The following LPP variants were observed in gnomAD, a reference collection of about 807,000 sequenced individuals.
LPP encodes the protein lipoma-preferred partner.
LPP carries 38 observed loss-of-function variants against 60.4 expected under a neutral mutation model. The observed-to-expected ratio is 0.63, with a 90% CI of 0.49 to 0.83. The LOEUF is 0.83. LPP is among the 40% of genes least tolerant of loss of function. The pLI is 0.00. For missense variants in LPP, 902 were observed against 783.6 expected, an observed-to-expected ratio of 1.15 and a Z score of -1.80; for synonymous variants, 328 against 290.8, an observed-to-expected ratio of 1.13 and a Z score of -1.30.
chr3:188,767,665 A>G (rs1734581049), intron 9 of LPP, among the ~76,000 whole-genome samples: 1 of 152,190 alleles, frequency 6.6e-6, no homozygotes, highest in Non-Finnish European at 1.5e-5. Context: ...AATTACATGT[A>G]GCCATATAGT....
chr3:188,608,787 C>G (rs1294291824), intron 6 of LPP, among the ~76,000 whole-genome samples: 3 of 152,158 alleles, frequency 2.0e-5, no homozygotes, highest in Non-Finnish European at 4.4e-5. Context: ...AATATCAAGT[C>G]TTTCAACCTA....
At chr3:188,422,738 G>A (rs147324095) in intron 4 of LPP, among the ~76,000 whole-genome samples, 1 of 152,236 alleles carries the variant, frequency 6.6e-6, no homozygotes, top group East Asian at 1.9e-4. Flanking sequence ...CCTTTTCTCT[G>A]TCTTCATTCA....
At chr3:188,427,451 T>G (rs1789698309) in intron 4 of LPP, among the ~76,000 whole-genome samples, 1 of 152,236 alleles carries the variant, frequency 6.6e-6, no homozygotes, top group Admixed American at 6.5e-5. Flanking sequence ...CTTAACATTT[T>G]TTCCTTCATT....
At position 188,625,187 on chromosome 3, in the gene LPP, G is replaced by T. The variant is rs1415919180; in HGVS notation, c.1113+15343G>T. Among the ~76,000 whole-genome samples the T allele has an allele frequency of 2.0e-5, 3 of 152,046 alleles. No individual in the cohort carries two copies. The East Asian group carries it at 5.8e-4, about 29-fold the overall frequency. ...TACCCCAAAATATTTGTTCAATGAT[G>T]GGAAATTCATTGATATTTAGACCTT... On this transcript the variant is annotated intron_variant, in intron 7 of 11. Transcript: ENST00000617246.
intron 7 of LPP, chr3:188,688,764 A>G (rs1416217244): frequency 2.0e-6 from 1 of 509,750 alleles, no homozygotes; most frequent in Non-Finnish European, 4.1e-6. Flanking sequence ...CTGAAGATAC[A>G]AGAAAAAATT....
chr3:188,872,973 A>C (rs1194861484), intron 11 of LPP, among the ~76,000 whole-genome samples: 3 of 152,212 alleles, frequency 2.0e-5, no homozygotes, highest in African/African-American at 7.2e-5. Flanking sequence ...GCTCACCGGA[A>C]GAAAGGACTC....
Position 188,441,098 on chromosome 3 carries a change from AT to A in LPP, c.193+34786del, listed in dbSNP as rs1325771108. On this transcript the variant is annotated intron_variant, in intron 4 of 11. Coordinates refer to ENST00000617246, the MANE Select transcript of LPP (RefSeq NM_001375462.1). ...ATTGATTTCTTTTTGTTTATAAAAA[AT>A]ATTCACTTTTCAAAATGTATTTATA... Among the ~76,000 whole-genome samples the A allele has an allele frequency of 2.6e-5, 4 of 152,208 alleles. No individual in the cohort carries two copies. The East Asian group carries it at 5.8e-4, about 22-fold the overall frequency.
intron 3 of LPP, among the ~76,000 whole-genome samples, chr3:188,357,674 T>C (rs960542526): frequency 1.3e-5 from 2 of 152,194 alleles, no homozygotes; most frequent in Non-Finnish European, 2.9e-5. Flanking sequence ...GCAAGCATCC[T>C]AAACAAATGT....
At chr3:188,631,350 G>A (rs1238135277) in intron 7 of LPP, among the ~76,000 whole-genome samples, 1 of 152,000 alleles carries the variant, frequency 6.6e-6, no homozygotes, top group South Asian at 2.1e-4. Flanking sequence ...TCAAATTTGG[G>A]GACACTCCTA....
chr3:188,659,459 A>G (rs1055553890), intron 7 of LPP, among the ~76,000 whole-genome samples: 1 of 152,232 alleles, frequency 6.6e-6, no homozygotes, highest in Admixed American at 6.5e-5. Context: ...GTAGTTAACT[A>G]GCTGCTAACA....
chr3:188,608,339 C>G (rs903649373), intron 6 of LPP, among the ~76,000 whole-genome samples: 3 of 152,052 alleles, frequency 2.0e-5, no homozygotes, highest in Non-Finnish European at 4.4e-5. Flanking sequence ...AATCATTAAC[C>G]CAGTTTTAGT....
intron 7 of LPP, among the ~76,000 whole-genome samples, chr3:188,699,277 C>A (rs1241583870): frequency 6.6e-6 from 1 of 152,246 alleles, no homozygotes; most frequent in South Asian, 2.1e-4. Flanking sequence ...TGTGGAGAGA[C>A]CTCACTTTCC....
Position 188,213,961 on chromosome 3 carries a change from AACACACACAC to A in LPP, c.-189-11413_-189-11404del, listed in dbSNP as rs59389556. On this transcript the variant is annotated intron_variant, in intron 1 of 11. Transcript: ENST00000617246. Reference sequence around the variant, plus strand: ...GAGTCCTGATTCTGATTAGATTTTAAACACACACACACACACACACACACACACACACACA... The same window carrying A: ...GAGTCCTGATTCTGATTAGATTTTAAACACACACACACACACACACACACA... 8.8e-3 allele frequency among the ~76,000 whole-genome samples: 1,147 copies of A among 130,406 alleles called. 7 individuals are homozygous for A. The highest frequency in any genetic ancestry group is 0.048 in the Middle Eastern group (12 of 250). The allele number at this position is 130,406 out of a possible 152,430, so 85.6% of individuals were successfully genotyped here.
intron 7 of LPP, among the ~76,000 whole-genome samples, chr3:188,696,635 T>G (rs533841179): frequency 6.6e-6 from 1 of 152,322 alleles, no homozygotes; most frequent in Admixed American, 6.5e-5. Flanking sequence ...ATTTTATTTT[T>G]GAAATAACTA....
At position 188,642,504 on chromosome 3, in the gene LPP, T is replaced by C. The variant is rs562263680; in HGVS notation, c.1113+32660T>C. ...TTTGGTGAAGTCTCCCTTTAGGAGA[T>C]TAAGCTTTTAATGTTAAAGATTCAG... On this transcript the variant is annotated intron_variant, in intron 7 of 11. Coordinates refer to ENST00000617246, the MANE Select transcript of LPP (RefSeq NM_001375462.1). 2.0e-5 allele frequency among the ~76,000 whole-genome samples: 3 copies of C among 152,318 alleles called. No individual in the cohort carries two copies. In the East Asian group the frequency reaches 5.8e-4, roughly 29 times the overall value.
intron 2 of LPP, among the ~76,000 whole-genome samples, chr3:188,297,561 G>A (rs574658449): frequency 1.1e-3 from 166 of 152,280 alleles, no homozygotes; most frequent in South Asian, 1.0e-3. Flanking sequence ...TTGCCTATCA[G>A]GTTTTAAAAT....
rs1181770043 is a variant in LPP, at chr3:188,509,660, TC to T, written c.307-15003del. Among the ~76,000 whole-genome samples, 11 of 34,184 alleles carry T rather than the reference TC, an allele frequency of 3.2e-4. 1 individual carries two copies. Among genetic ancestry groups the T allele is most frequent in the Non-Finnish European group, 7.5e-4 (11 of 14,716 alleles). 22.4% of individuals were successfully genotyped at this position (34,184 alleles called of 152,430 possible). ...TTCCTTCCTTCCTTCCTTCCTTCCT[TC>T]CTTCCTTCCTTCCTTCCTTCCTTCC... On this transcript the variant is annotated intron_variant, in intron 5 of 11. Coordinates refer to ENST00000617246, the MANE Select transcript of LPP (RefSeq NM_001375462.1).
intron 5 of LPP, among the ~76,000 whole-genome samples, chr3:188,503,540 T>C (rs2149904224): frequency 6.6e-6 from 1 of 152,300 alleles, no homozygotes; most frequent in South Asian, 2.1e-4. Flanking sequence ...TTTGTATGAT[T>C]TTTGAGTTAC....
intron 9 of LPP, among the ~76,000 whole-genome samples, chr3:188,814,447 A>G (rs12495456): frequency 0.25 from 37,384 of 152,064 alleles, 6,157 homozygotes; most frequent in East Asian, 0.8. Context: ...ATTATAGTCA[A>G]TTCTCATAAG....
Sources: gnomAD v4.1 joint callset for allele counts (sites outside exome capture counted in the v4.1 genomes callset) on GRCh38, gnomAD v4.1.1 for gene constraint, MANE v1.5 for transcripts, NCBI Gene and HGNC (gene_info 2026-07-23, HGNC 2026-07-21) for gene names.